The following LGALS1 variants were observed in gnomAD, a reference collection of about 807,000 sequenced individuals.
The protein encoded by LGALS1 is galectin 1.
LGALS1 carries 14 observed loss-of-function variants against 14.4 expected under a neutral mutation model. The ratio of observed to expected loss-of-function variants is 0.97; its 90% CI spans 0.64 to 1.52. LGALS1 has a LOEUF of 1.52. Among genes scored for constraint, LGALS1 ranks in the 40% most tolerant of loss-of-function variants. The probability of loss-of-function intolerance (pLI) is 0.00; values close to 1 mark genes in which losing one functional copy is unlikely to be tolerated. For missense variants in LGALS1, 170 were observed against 181.4 expected (o/e 0.94, Z 0.36); for synonymous variants, 71 against 73.4 (o/e 0.97, Z 0.17).
Position 37,676,994 on chromosome 22 carries a change from C to T in LGALS1, c.18C>T (p.Val6=). The T allele has an allele frequency of 6.2e-7, 1 of 1,614,092 alleles. No homozygotes were observed. MACGL[V]ASNLNLKPGE... is the part of the protein sequence containing the mutation. Reference sequence around the variant, plus strand: ...GGGGCTTGTCTGTGCAGGGTCTGGTCGCCAGCAACCTGAATCTCAAACCTG... The same window carrying T: ...GGGGCTTGTCTGTGCAGGGTCTGGTTGCCAGCAACCTGAATCTCAAACCTG... The change falls in exon 2 of 4, where the codon GTC becomes GTT. Residue 6 remains valine (V), a synonymous_variant. Coordinates refer to ENST00000215909, the MANE Select transcript of LGALS1 (RefSeq NM_002305.4).
chr22:37,677,123 G>A, intron 2 of LGALS1, 58 bp downstream of exon 2: 7 of 1,545,570 alleles, frequency 4.5e-6, no homozygotes, highest in Non-Finnish European at 6.2e-6. Context: ...AGCAGGGAGG[G>A]CGTGGCCGGC....
intron 2 of LGALS1, 116 bp from the exon 3 acceptor site, chr22:37,678,365 GTC>G (rs1238663649): frequency 2.7e-6 from 3 of 1,118,856 alleles, no homozygotes; most frequent in African/African-American, 1.5e-5. Flanking sequence ...CAGGTTTCTT[GTC>G]TCTGTTAGTG....
At chr22:37,677,555 C>T (rs991542215) in intron 2 of LGALS1, 3 of 160,996 alleles carry the variant, frequency 1.9e-5, no homozygotes, top group Admixed American at 6.2e-5. Flanking sequence ...CCAACCTCAC[C>T]TAGCCTCAGT....
chr22:37,678,404 G>A (rs778628947), intron 2 of LGALS1, 79 bp from the exon 3 acceptor site: 7 of 1,499,762 alleles, frequency 4.7e-6, no homozygotes, highest in Non-Finnish European at 6.5e-6. Context: ...TGCGTTCATG[G>A]GATACTGAGT....
chr22:37,678,278 CTGTGCAGCCCCCAT>C, intron 2 of LGALS1, 191 bp from the exon 3 acceptor site: 1 of 705,534 alleles, frequency 1.4e-6, no homozygotes, highest in South Asian at 1.5e-5. Flanking sequence ...GCGAGCCCTC[CTGTGCAGCCCCCAT>C]TGTACAGATG....
intron 1 of LGALS1, 29 bp from the exon 2 acceptor site, chr22:37,676,957 C>T: frequency 6.2e-7 from 1 of 1,612,162 alleles, no homozygotes; most frequent in Non-Finnish European, 8.5e-7. Flanking sequence ...TGTCCTCTAA[C>T]CCGGCTGGGC....
At position 37,678,640 on chromosome 22, in the gene LGALS1, G is replaced by A; in HGVS notation, c.247G>A (p.Gly83Arg). Residue 83 changes from glycine (G) to arginine (R), a missense_variant, in exon 3 of 4, where the codon GGA becomes AGA. Transcript: ENST00000215909. ...GGAGGCTGTCTTTCCCTTCCAGCCT[G>A]GAAGTGTTGCAGAGGTGGGCTGCAG... Reference protein sequence around the residue: ...QREAVFPFQPGSVAEVCITFD... With the variant: ...QREAVFPFQPRSVAEVCITFD... 1 of 1,397,868 alleles carries A rather than the reference G, an allele frequency of 7.2e-7. No homozygotes were observed. The highest frequency in any genetic ancestry group is 9.6e-7 in the Non-Finnish European group (1 of 1,044,324). The allele number at this position is 1,397,868 out of a possible 1,614,324, so 86.6% of individuals were successfully genotyped here.
chr22:37,679,571 G>A, intron 3 of LGALS1, 32 bp from the exon 4 acceptor site: 2 of 1,549,230 alleles, frequency 1.3e-6, no homozygotes, highest in Non-Finnish European at 8.7e-7. Flanking sequence ...CATGGCATGT[G>A]GGCCCGGCTC....
chr22:37,677,897 G>T (rs1921492203), intron 2 of LGALS1, among the ~76,000 whole-genome samples: 1 of 152,026 alleles, frequency 6.6e-6, no homozygotes, highest in Non-Finnish European at 1.5e-5. Context: ...CGATTCTCCG[G>T]CTTCAGCCTC....
chr22:37,676,015 G>T lies in LGALS1; in HGVS notation c.9+304G>T, dbSNP rs372587336. On this transcript the variant is annotated intron_variant, in intron 1 of 3. Coordinates refer to ENST00000215909, the MANE Select transcript of LGALS1 (RefSeq NM_002305.4). ...GAGCGTGGGAAGGGTGTGGCCAACT[G>T]GGGGACACCCAGGCCACTATCCCTT... The T allele has an allele frequency of 5.3e-4, 171 of 319,826 alleles. 1 individual carries two copies. The highest frequency in any genetic ancestry group is 3.4e-3 in the African/African-American group (158 of 46,762). The allele number at this position is 319,826 out of a possible 1,614,324, so 19.8% of individuals were successfully genotyped here.
chr22:37,679,192 G>A (rs1306954869), intron 3 of LGALS1, among the ~76,000 whole-genome samples: 1 of 150,890 alleles, frequency 6.6e-6, no homozygotes, highest in Non-Finnish European at 1.5e-5. Flanking sequence ...GGCACTTTGG[G>A]AGACCAAAGT....
chr22:37,678,131 A>G (rs779734637), intron 2 of LGALS1, among the ~76,000 whole-genome samples: 1 of 152,184 alleles, frequency 6.6e-6, no homozygotes, highest in Non-Finnish European at 1.5e-5. Context: ...ATTACTAAGC[A>G]TCTTTTTCTG....
Position 37,678,664 on chromosome 22 carries a change from A to T in LGALS1, c.261+10A>T. On this transcript the variant is annotated intron_variant, in intron 3 of 3. Coordinates refer to ENST00000215909, the MANE Select transcript of LGALS1 (RefSeq NM_002305.4). ...TGGAAGTGTTGCAGAGGTGGGCTGC[A>T]GACCGGAACCGGGGACCAGGGACAG... is the stretch of plus-strand genomic sequence containing the variant. The T allele has an allele frequency of 8.8e-7, 1 of 1,142,000 alleles. No individual in the cohort carries two copies. The allele number at this position is 1,142,000 out of a possible 1,614,324, so 70.7% of individuals were successfully genotyped here. A position where few individuals can be genotyped will look rare whatever the true frequency, so the allele number is the denominator to read the frequency against.
At position 37,675,732 on chromosome 22, in the gene LGALS1, C is replaced by T. The variant is rs201722376; in HGVS notation, c.9+21C>T. ...CTTGTGTGAGTGTGGGGACCCCCCC[C>T]CAAGGTCCAGGGGATAGGGCAGGAA... On this transcript the variant is annotated intron_variant, in intron 1 of 3. Transcript: ENST00000215909. 20 of 1,538,688 alleles carry T rather than the reference C, an allele frequency of 1.3e-5. No homozygotes were observed. In the South Asian group the frequency reaches 2.1e-4, roughly 16 times the overall value.
intron 1 of LGALS1, 95 bp downstream of exon 1, chr22:37,675,806 A>C: frequency 8.5e-7 from 1 of 1,180,674 alleles, no homozygotes; most frequent in South Asian, 1.8e-5. Flanking sequence ...TTCTAGCCCC[A>C]GCTGTGTGGC....
At position 37,675,658 on chromosome 22, in the gene LGALS1, T is replaced by C. The variant is rs192445904; in HGVS notation, c.-45T>C. 24 of 1,547,928 alleles carry C rather than the reference T, an allele frequency of 1.6e-5. No individual in the cohort carries two copies. In the African/African-American group the frequency reaches 3.2e-4, roughly 20 times the overall value. On this transcript the variant is annotated 5_prime_UTR_variant, in exon 1 of 4. Transcript: ENST00000215909. ...CCCATCTCTCTCGGGTGGAGTCTTC[T>C]GACAGCTGGTGCGCCTGCCCGGGAA...
intron 1 of LGALS1, among the ~76,000 whole-genome samples, chr22:37,676,388 A>T (rs1178226924): frequency 6.6e-6 from 1 of 152,184 alleles, no homozygotes. Context: ...GGTGCCAGGG[A>T]ACAGCAGTGC....
chr22:37,677,527 T>C (rs1369734123), intron 2 of LGALS1: 1 of 191,946 alleles, frequency 5.2e-6, no homozygotes, highest in Non-Finnish European at 1.1e-5. Flanking sequence ...GGCAGTTAGG[T>C]GACCTTGGAC....
At chr22:37,679,131 C>CA (rs66507477) in intron 3 of LGALS1, among the ~76,000 whole-genome samples, 48,209 of 103,390 alleles carry the variant, frequency 0.47, 9,980 homozygotes, top group East Asian at 0.52. Flanking sequence ...AACTCTGTCT[C>CA]AAAAAAAAAA....
Sources: allele counts gnomAD v4.1 joint callset (sites outside exome capture counted in the v4.1 genomes callset), GRCh38; gene constraint gnomAD v4.1.1; transcripts MANE v1.5; gene names NCBI Gene and HGNC (gene_info 2026-07-23, HGNC 2026-07-21).